Variants in ARMC3 observed in about 807,000 individuals in gnomAD.
ARMC3 encodes armadillo repeat-containing protein 3.
Under a neutral mutation model 90.3 loss-of-function variants are expected in ARMC3, and 74 were observed. That is an observed-to-expected ratio of 0.82 (90% CI 0.68 to 0.99). The LOEUF is 0.99. Ranked by LOEUF, ARMC3 falls within the 50% of genes least tolerant of loss-of-function variation. The probability of loss-of-function intolerance (pLI) is 0.00; values close to 1 mark genes in which losing one functional copy is unlikely to be tolerated. For missense variants in ARMC3, 958 were observed against 1,042.8 expected, an observed-to-expected ratio of 0.92 and a Z score of 1.12; for synonymous variants, 334 against 361.8, an observed-to-expected ratio of 0.92 and a Z score of 0.87.
intron 2 of ARMC3, among the ~76,000 whole-genome samples, chr10:22,933,392 G>A (rs1035628351): frequency 2.6e-5 from 4 of 152,094 alleles, no homozygotes; most frequent in African/African-American, 9.7e-5. Context: ...AACAATAGAT[G>A]TATATGGCTA....
intron 17 of ARMC3, among the ~76,000 whole-genome samples, chr10:23,031,566 T>C (rs1838924510): frequency 6.6e-6 from 1 of 152,222 alleles, no homozygotes; most frequent in African/African-American, 2.4e-5. Context: ...TGCCAGATCA[T>C]TGACTCTTTG....
chr10:23,009,238 C>T (rs141383492), intron 16 of ARMC3, among the ~76,000 whole-genome samples: 1,638 of 152,306 alleles, frequency 0.011, 28 homozygotes, highest in African/African-American at 0.037. Context: ...CCTTTGAAAG[C>T]CCAACCCTGG....
chr10:22,983,530 A>C (rs994689288), intron 10 of ARMC3, among the ~76,000 whole-genome samples: 5 of 152,170 alleles, frequency 3.3e-5, no homozygotes, highest in Non-Finnish European at 7.4e-5. Flanking sequence ...CCTATTATAT[A>C]CTGTCCATTC....
intron 1 of ARMC3, among the ~76,000 whole-genome samples, chr10:22,929,330 GGAAA>G (rs1833843910): frequency 7.1e-6 from 1 of 140,218 alleles, no homozygotes; most frequent in African/African-American, 2.5e-5. Flanking sequence ...GGAAAGGAAA[GGAAA>G]GGAAAGGAAA....
At position 22,981,417 on chromosome 10, in the gene ARMC3, A is replaced by T. The variant is rs150848836; in HGVS notation, c.994A>T (p.Thr332Ser). The change falls in exon 9 of 19, where the codon ACT (threonine) becomes TCT (serine). Residue 332 changes from threonine to serine, a missense_variant. Coordinates refer to ENST00000298032, the MANE Select transcript of ARMC3 (RefSeq NM_173081.5). ...VALLGSENDG[T>S]KIAASQAISA... ...CCTTTTGGGTTCTGAAAATGATGGA[A>T]CTAAAATTGCTGCTTCCCAAGCTAT... is the stretch of plus-strand genomic sequence containing the variant. 2.5e-6 allele frequency: 4 copies of T among 1,614,006 alleles called. No individual in the cohort carries two copies. The highest frequency in any genetic ancestry group is 2.7e-5 in the African/African-American group (2 of 74,932).
At chr10:22,929,512 A>G (rs1026073812) in intron 1 of ARMC3, among the ~76,000 whole-genome samples, 1 of 152,164 alleles carries the variant, frequency 6.6e-6, no homozygotes. Flanking sequence ...TCTCTCCTCC[A>G]TTAACTATCA....
At chr10:22,995,228 TAAAC>T (rs924168255) in intron 10 of ARMC3, among the ~76,000 whole-genome samples, 3 of 152,226 alleles carry the variant, frequency 2.0e-5, no homozygotes, top group African/African-American at 4.8e-5. Flanking sequence ...TTTTGTTTTT[TAAAC>T]AAACAATTTT....
chr10:22,944,124 T>A (rs1219171786), intron 2 of ARMC3, among the ~76,000 whole-genome samples: 1 of 152,116 alleles, frequency 6.6e-6, no homozygotes, highest in African/African-American at 2.4e-5. Flanking sequence ...CTTTTTGAGT[T>A]TGTGAACGCC....
chr10:22,998,021 A>C lies in ARMC3; in HGVS notation c.1176-127A>C, dbSNP rs1054558622. ...TAGCACTCAATTCTGGGTTCATTGCATGGCAAATTAATTTATTTCTAAAAT... is the reference window on the plus strand; with the variant it reads ...TAGCACTCAATTCTGGGTTCATTGCCTGGCAAATTAATTTATTTCTAAAAT... On this transcript the variant is annotated intron_variant, in intron 10 of 18. Transcript: ENST00000298032. 2.2e-5 allele frequency: 26 copies of C among 1,181,476 alleles called. No homozygotes were observed. In the African/African-American group the frequency reaches 4.0e-4, roughly 18 times the overall value. 73.2% of individuals were successfully genotyped at this position (1,181,476 alleles called of 1,614,324 possible). A position where few individuals can be genotyped will look rare whatever the true frequency, so the allele number is the denominator to read the frequency against.
At chr10:22,998,999 A>G (rs1009209204) in intron 11 of ARMC3, among the ~76,000 whole-genome samples, 4 of 152,216 alleles carry the variant, frequency 2.6e-5, no homozygotes, top group African/African-American at 9.7e-5. Flanking sequence ...TTCTGTAGGG[A>G]GAAAGGGGGG....
intron 2 of ARMC3, among the ~76,000 whole-genome samples, chr10:22,935,669 C>T (rs563231268): frequency 6.6e-6 from 1 of 152,170 alleles, no homozygotes; most frequent in African/African-American, 2.4e-5. Context: ...CAGCTAAACA[C>T]TATGAATTAA....
intron 2 of ARMC3, among the ~76,000 whole-genome samples, chr10:22,938,188 A>G (rs540796453): frequency 1.3e-4 from 20 of 152,242 alleles, no homozygotes; most frequent in Non-Finnish European, 2.4e-4. Context: ...ATCTGTGCAA[A>G]TATCTGGGAG....
intron 7 of ARMC3, among the ~76,000 whole-genome samples, chr10:22,967,842 G>A (rs1835506212): frequency 6.6e-6 from 1 of 152,050 alleles, no homozygotes; most frequent in African/African-American, 2.4e-5. Context: ...AGCTATTTAG[G>A]TAAAACCGCA....
intron 16 of ARMC3, among the ~76,000 whole-genome samples, chr10:23,010,972 C>G (rs1207850940): frequency 6.1e-4 from 66 of 107,550 alleles, no homozygotes; most frequent in Non-Finnish European, 8.7e-4. Flanking sequence ...TCCCTTCCCT[C>G]TTCTCTCCTT....
chr10:22,952,102 C>T (rs530024223), intron 3 of ARMC3, among the ~76,000 whole-genome samples: 15 of 151,696 alleles, frequency 9.9e-5, no homozygotes, highest in Middle Eastern at 3.4e-3. Context: ...TCCAGCCTGG[C>T]GACAGAGTGA....
In ARMC3 at chr10:23,037,641, C is replaced by T. The variant is rs1196290223; in HGVS notation, c.*162C>T. 4 of 676,266 alleles carry T rather than the reference C, an allele frequency of 5.9e-6. No individual in the cohort carries two copies. The highest frequency in any genetic ancestry group is 5.4e-5 in the African/African-American group (3 of 55,470). The allele number at this position is 676,266 out of a possible 1,614,324, so 41.9% of individuals were successfully genotyped here. On this transcript the variant is annotated 3_prime_UTR_variant, in exon 19 of 19. Coordinates refer to ENST00000298032, the MANE Select transcript of ARMC3 (RefSeq NM_173081.5). The stretch of plus-strand genomic sequence containing the variant: ...ATTAGGAAGCTTGGAGTGAACTTTG[C>T]TGTGCTTCTGATTTCAGGCTTTTGG...
At position 22,991,051 on chromosome 10, in the gene ARMC3, T is replaced by C. The variant is rs570551641; in HGVS notation, c.1176-7097T>C. Among the ~76,000 whole-genome samples the C allele has an allele frequency of 7.8e-4, 119 of 152,274 alleles. 1 individual carries two copies. Among genetic ancestry groups the C allele is most frequent in the African/African-American group, 2.8e-3 (118 of 41,544 alleles). ...TCATTTTCCATTCCCTAAGGAATGA[T>C]GTCCTAAAGCAAGTAAATTCTTTTG... On this transcript the variant is annotated intron_variant, in intron 10 of 18. Coordinates refer to ENST00000298032, the MANE Select transcript of ARMC3 (RefSeq NM_173081.5).
chr10:22,958,221 C>G (rs1457026336), intron 4 of ARMC3, among the ~76,000 whole-genome samples: 2 of 152,136 alleles, frequency 1.3e-5, no homozygotes, highest in Non-Finnish European at 2.9e-5. Context: ...GCATACCTGT[C>G]TAACTTTAAT....
At chr10:22,981,314 AT>A (rs763410434) in intron 8 of ARMC3, 25 bp from the exon 9 acceptor site, 3 of 1,565,696 alleles carry the variant, frequency 1.9e-6, no homozygotes, top group Admixed American at 2.1e-5. Flanking sequence ...AAAATTCTGA[AT>A]TTTTTTCCCT....
Sources: allele counts gnomAD v4.1 joint callset (sites outside exome capture counted in the v4.1 genomes callset), GRCh38; gene constraint gnomAD v4.1.1; transcripts MANE v1.5; gene names NCBI Gene and HGNC (gene_info 2026-07-23, HGNC 2026-07-21).